ZNF385B: variants seen among roughly 807,000 people sequenced by gnomAD.
ZNF385B encodes zinc finger protein 533.
ZNF385B carries 23 observed loss-of-function variants against 39.2 expected under a neutral mutation model. The ratio of observed to expected loss-of-function variants is 0.59; its 90% confidence interval spans 0.42 to 0.83. The LOEUF is 0.83. Ranked by LOEUF, ZNF385B falls within the 40% of genes least tolerant of loss-of-function variation. The pLI is 0.00. For missense variants in ZNF385B, 552 were observed against 598.9 expected (o/e 0.92, Z 0.82); for synonymous variants, 205 against 222.6 (o/e 0.92, Z 0.70).
intron 1 of ZNF385B, among the ~76,000 whole-genome samples, chr2:179,841,600 T>C (rs1265816492): frequency 6.6e-6 from 1 of 152,240 alleles, no homozygotes; most frequent in African/African-American, 2.4e-5. Flanking sequence ...GGTTGTAGAA[T>C]ATTTAACAGC....
intron 3 of ZNF385B, among the ~76,000 whole-genome samples, chr2:179,685,231 T>G (rs1487604783): frequency 6.6e-6 from 1 of 152,216 alleles, no homozygotes; most frequent in Non-Finnish European, 1.5e-5. Flanking sequence ...GTAAAAAGTT[T>G]CTTAGAGAGG....
At chr2:179,831,500 A>T (rs1365269887) in intron 1 of ZNF385B, among the ~76,000 whole-genome samples, 1 of 152,194 alleles carries the variant, frequency 6.6e-6, no homozygotes, top group African/African-American at 2.4e-5. Context: ...TTGAAAAAAA[A>T]AAAAAGGTAA....
rs1220427602 is a variant in ZNF385B, at chr2:179,445,685, A to T, written c.1005T>A (p.Gly335=). ...KTMVEARNGA[G]PIKSYPRPGS... ...CAGGTCTAGGATAGGATTTAATTGG[A>T]CCAGCCCCATTACGAGCTTCAACCA... The change falls in exon 8 of 10, where the codon GGT becomes GGA. Residue 335 remains glycine, a synonymous_variant. Transcript: ENST00000410066. 6.2e-7 allele frequency: 1 copy of T among 1,613,522 alleles called. No homozygotes were observed. The highest frequency in any genetic ancestry group is 1.7e-5 in the Admixed American group (1 of 59,932).
chr2:179,599,515 GAAT>G (rs1397197556), intron 3 of ZNF385B, among the ~76,000 whole-genome samples: 2 of 152,098 alleles, frequency 1.3e-5, no homozygotes, highest in East Asian at 3.9e-4. Flanking sequence ...TTAAAAATAA[GAAT>G]GTTTTTATAG....
intron 3 of ZNF385B, among the ~76,000 whole-genome samples, chr2:179,701,411 G>A (rs1172718654): frequency 6.6e-6 from 1 of 152,190 alleles, no homozygotes; most frequent in Non-Finnish European, 1.5e-5. Flanking sequence ...AGAATTTACA[G>A]TGTGCTAGAA....
intron 1 of ZNF385B, among the ~76,000 whole-genome samples, chr2:179,777,769 G>T (rs1478784825): frequency 7.0e-6 from 1 of 143,712 alleles, no homozygotes. Flanking sequence ...ATATCAAGAG[G>T]TTTTTTTTTT....
At chr2:179,767,868 T>G (rs1412029636) in intron 3 of ZNF385B, among the ~76,000 whole-genome samples, 5 of 150,824 alleles carry the variant, frequency 3.3e-5, no homozygotes, top group African/African-American at 1.2e-4. Context: ...AGGCTATGTG[T>G]GCTCTAACTT....
intron 1 of ZNF385B, among the ~76,000 whole-genome samples, chr2:179,821,657 C>T (rs1575554017): frequency 1.3e-5 from 2 of 152,040 alleles, no homozygotes; most frequent in South Asian, 2.1e-4. Context: ...TTTACCAAGA[C>T]GTGCTTTACC....
intron 1 of ZNF385B, among the ~76,000 whole-genome samples, chr2:179,777,940 T>G (rs1453884831): frequency 6.6e-6 from 1 of 151,948 alleles, no homozygotes; most frequent in African/African-American, 2.4e-5. Flanking sequence ...GCCCGGCTAA[T>G]TTTTGTATTT....
At chr2:179,687,447 GT>G (rs1698009350) in intron 3 of ZNF385B, among the ~76,000 whole-genome samples, 1 of 151,990 alleles carries the variant, frequency 6.6e-6, no homozygotes, top group South Asian at 2.1e-4. Context: ...CATGGACTTT[GT>G]TGTATGACTA....
At chr2:179,491,240 G>A (rs1348982258) in intron 5 of ZNF385B, among the ~76,000 whole-genome samples, 1 of 152,124 alleles carries the variant, frequency 6.6e-6, no homozygotes, top group African/African-American at 2.4e-5. Context: ...AAGAAAGCAA[G>A]ACTGCTTAAC....
At chr2:179,594,561 G>T (rs1262338523) in intron 3 of ZNF385B, among the ~76,000 whole-genome samples, 3 of 152,194 alleles carry the variant, frequency 2.0e-5, no homozygotes, top group Non-Finnish European at 4.4e-5. Context: ...TATGACTTGA[G>T]CCAGCAAATG....
chr2:179,856,819 A>T (rs1684644019), intron 1 of ZNF385B, among the ~76,000 whole-genome samples: 2 of 152,096 alleles, frequency 1.3e-5, no homozygotes, highest in South Asian at 4.1e-4. Context: ...GAATAAACAA[A>T]CCTTCCATTC....
chr2:179,487,266 G>A (rs1171563092), intron 5 of ZNF385B, among the ~76,000 whole-genome samples: 1 of 152,240 alleles, frequency 6.6e-6, no homozygotes, highest in Non-Finnish European at 1.5e-5. Flanking sequence ...CAGGGTCAGG[G>A]AGAGAAGTGC....
At chr2:179,712,947 A>G (rs1700097455) in intron 3 of ZNF385B, among the ~76,000 whole-genome samples, 1 of 152,202 alleles carries the variant, frequency 6.6e-6, no homozygotes, top group Admixed American at 6.5e-5. Context: ...GGCTAGTAAT[A>G]TGCAGCACTA....
chr2:179,519,996 C>T (rs923137437), intron 4 of ZNF385B, among the ~76,000 whole-genome samples: 3 of 151,940 alleles, frequency 2.0e-5, no homozygotes, highest in African/African-American at 7.2e-5. Flanking sequence ...ACAATGTATT[C>T]CTATTATAAA....
chr2:179,683,958 C>T (rs967222496), intron 3 of ZNF385B, among the ~76,000 whole-genome samples: 2 of 152,140 alleles, frequency 1.3e-5, no homozygotes, highest in African/African-American at 2.4e-5. Context: ...AATTTCATCA[C>T]ATTTTAGCAC....
intron 4 of ZNF385B, among the ~76,000 whole-genome samples, chr2:179,523,091 G>T (rs565166028): frequency 6.6e-6 from 1 of 152,258 alleles, no homozygotes; most frequent in South Asian, 2.1e-4. Context: ...TGAAAATCAT[G>T]CAGAAATGAA....
chr2:179,718,822 T>C (rs1700495819), intron 3 of ZNF385B, among the ~76,000 whole-genome samples: 1 of 139,664 alleles, frequency 7.2e-6, no homozygotes, highest in African/African-American at 2.5e-5. Context: ...TGAGACCCTG[T>C]ATCTATTAAA....
Sources: gnomAD v4.1 joint callset for allele counts (sites outside exome capture counted in the v4.1 genomes callset) on GRCh38, gnomAD v4.1.1 for gene constraint, MANE v1.5 for transcripts, NCBI Gene and HGNC (gene_info 2026-07-23, HGNC 2026-07-21) for gene names.